The following RBFOX1 variants were observed in gnomAD, a reference collection of about 807,000 sequenced individuals.
RBFOX1 encodes the protein RNA binding fox-1 homolog 1.
RBFOX1 carries 8 observed loss-of-function variants against 57.7 expected under a neutral mutation model. That is an observed-to-expected ratio of 0.14 (90% CI 0.08 to 0.25). The LOEUF (loss-of-function observed/expected upper bound fraction) is 0.25. Among genes scored for constraint, RBFOX1 ranks in the 10% least tolerant of loss-of-function variants. RBFOX1 has a pLI of 1.00. For missense variants in RBFOX1, 611 were observed against 548.5 expected (o/e 1.11, Z -1.14); for synonymous variants, 326 against 222.4 (o/e 1.47, Z -4.15).
chr16:6,075,414 A>T (rs1159347394), intron 1 of RBFOX1, among the ~76,000 whole-genome samples: 2 of 152,212 alleles, frequency 1.3e-5, no homozygotes, highest in East Asian at 1.9e-4. Flanking sequence ...ATAGCAGAGA[A>T]CAATACAGAG....
At chr16:5,996,719 A>G (rs1350490765) in intron 4 of RBFOX1, among the ~76,000 whole-genome samples, 2 of 152,110 alleles carry the variant, frequency 1.3e-5, no homozygotes, top group African/African-American at 4.8e-5. Flanking sequence ...TGTGGGATTT[A>G]ACTGACGGTC....
At chr16:5,497,301 T>C (rs1421710377) in intron 2 of RBFOX1, among the ~76,000 whole-genome samples, 3 of 152,034 alleles carry the variant, frequency 2.0e-5, no homozygotes, top group Non-Finnish European at 4.4e-5. Flanking sequence ...TCATGCTGGG[T>C]ATTGCCCTGC....
intron 4 of RBFOX1, among the ~76,000 whole-genome samples, chr16:7,244,346 C>G (rs1603441712): frequency 1.3e-5 from 2 of 151,370 alleles, no homozygotes; most frequent in South Asian, 2.1e-4. Context: ...GGCCTTTGAG[C>G]AACTTCTTCA....
chr16:7,137,125 C>G (rs1051312589), intron 4 of RBFOX1, among the ~76,000 whole-genome samples: 1 of 151,990 alleles, frequency 6.6e-6, no homozygotes, highest in Non-Finnish European at 1.5e-5. Flanking sequence ...AAAATAAATA[C>G]CTAAAGAATG....
intron 1 of RBFOX1, among the ~76,000 whole-genome samples, chr16:6,116,770 C>T (rs570534365): frequency 2.0e-5 from 3 of 152,054 alleles, no homozygotes; most frequent in East Asian, 1.9e-4. Flanking sequence ...ACAGAACTCC[C>T]GTGAATAAGA....
At chr16:7,035,250 A>C (rs2044053056) in intron 3 of RBFOX1, among the ~76,000 whole-genome samples, 1 of 152,068 alleles carries the variant, frequency 6.6e-6, no homozygotes, top group African/African-American at 2.4e-5. Flanking sequence ...CCAAGTGAGA[A>C]CTGTACTTGG....
intron 1 of RBFOX1, among the ~76,000 whole-genome samples, chr16:6,249,751 G>T (rs1375541260): frequency 2.0e-5 from 3 of 148,834 alleles, no homozygotes; most frequent in Non-Finnish European, 4.4e-5. Flanking sequence ...AGAGTGTCCT[G>T]ATCAGCTTCA....
chr16:6,138,913 A>T (rs566218925), intron 1 of RBFOX1, among the ~76,000 whole-genome samples: 2 of 152,258 alleles, frequency 1.3e-5, no homozygotes, highest in African/African-American at 4.8e-5. Context: ...CCTTCGCTAT[A>T]TTTTATTGGT....
At chr16:5,418,605 G>C (rs1303508761) in intron 1 of RBFOX1, among the ~76,000 whole-genome samples, 1 of 152,036 alleles carries the variant, frequency 6.6e-6, no homozygotes, top group Non-Finnish European at 1.5e-5. Flanking sequence ...TGGATTTATA[G>C]GACGAAGATG....
At chr16:6,189,454 T>C (rs114362168) in intron 1 of RBFOX1, among the ~76,000 whole-genome samples, 1,745 of 152,342 alleles carry the variant, frequency 0.011, 52 homozygotes, top group African/African-American at 0.04. Context: ...ACTGTTGGGT[T>C]GCCGGGGCTA....
chr16:5,474,005 G>C (rs1279713537), intron 2 of RBFOX1, among the ~76,000 whole-genome samples: 1 of 152,110 alleles, frequency 6.6e-6, no homozygotes, highest in East Asian at 1.9e-4. Context: ...TAGGTGGATG[G>C]ATGGATGAGT....
rs146893046 is a variant in RBFOX1 at position 7,404,674 on chromosome 16, CTG to C, written c.28-113470_28-113469del. ...CCAGCGTTGGAAATAGGTAGCAAGT[CTG>C]TGGATATTAAAAGAATGCTTTTTCA... On this transcript the variant is annotated intron_variant, in intron 4 of 15. Coordinates refer to ENST00000550418, the MANE Select transcript of RBFOX1 (RefSeq NM_018723.4). Among the ~76,000 whole-genome samples, 1,056 of 152,260 alleles carry C rather than the reference CTG, an allele frequency of 6.9e-3. 18 individuals carry two copies. The highest frequency in any genetic ancestry group is 0.035 in the East Asian group (182 of 5,178).
Position 6,895,478 on chromosome 16 carries a change from ATATATATATT to A in RBFOX1, c.-15-156575_-15-156566del, listed in dbSNP as rs1238756237. Among the ~76,000 whole-genome samples the A allele has an allele frequency of 3.6e-3, 359 of 99,772 alleles. 3 individuals are homozygous for A. The highest frequency in any genetic ancestry group is 5.5e-3 in the African/African-American group (135 of 24,636). 65.5% of individuals were successfully genotyped at this position (99,772 alleles called of 152,430 possible). A position where few individuals can be genotyped will look rare whatever the true frequency, so the allele number is the denominator to read the frequency against. On this transcript the variant is annotated intron_variant, in intron 3 of 15. Coordinates refer to ENST00000550418, the MANE Select transcript of RBFOX1 (RefSeq NM_018723.4). ...TATATATATATATATATATATATAT[ATATATATATT>A]TATTCCCCTATTGGATAACAAGCTG...
chr16:6,031,847 T>A (rs570008104), intron 1 of RBFOX1, among the ~76,000 whole-genome samples: 1 of 152,262 alleles, frequency 6.6e-6, no homozygotes, highest in Non-Finnish European at 1.5e-5. Context: ...TTTCTGTTTG[T>A]ATGGTACATT....
chr16:7,440,135 A>G (rs1598453399), intron 4 of RBFOX1, among the ~76,000 whole-genome samples: 1 of 151,356 alleles, frequency 6.6e-6, no homozygotes, highest in African/African-American at 2.4e-5. Flanking sequence ...GGCTCAAGAG[A>G]CCTGCCTGCC....
chr16:6,311,070 G>A (rs28496008), intron 1 of RBFOX1, among the ~76,000 whole-genome samples: 8,187 of 151,978 alleles, frequency 0.054, 327 homozygotes, highest in African/African-American at 0.11. Flanking sequence ...GCCAAGGCGG[G>A]CAAATCACAA....
At chr16:6,859,640 A>G (rs2058659443) in intron 3 of RBFOX1, among the ~76,000 whole-genome samples, 1 of 152,108 alleles carries the variant, frequency 6.6e-6, no homozygotes. Flanking sequence ...ACCTCCATGG[A>G]ACTGTGTTTG....
intron 1 of RBFOX1, among the ~76,000 whole-genome samples, chr16:5,281,023 T>G (rs1567274061): frequency 6.6e-6 from 1 of 152,140 alleles, no homozygotes; most frequent in African/African-American, 2.4e-5. Flanking sequence ...GGTGCATCAT[T>G]AGGTTGTTTA....
chr16:6,035,685 C>A (rs1214701834), intron 1 of RBFOX1, among the ~76,000 whole-genome samples: 2 of 152,166 alleles, frequency 1.3e-5, no homozygotes, highest in Non-Finnish European at 2.9e-5. Flanking sequence ...ATTCTTTTCC[C>A]CCCTCATCAG....
Sources: allele counts gnomAD v4.1 joint callset (sites outside exome capture counted in the v4.1 genomes callset), GRCh38; gene constraint gnomAD v4.1.1; transcripts MANE v1.5; gene names NCBI Gene and HGNC (gene_info 2026-07-23, HGNC 2026-07-21).